Variants in NXPE1 observed in about 807,000 individuals in gnomAD.
NXPE1 encodes the protein neurexophilin and PC-esterase domain family member 1.
NXPE1 carries 31 observed loss-of-function variants against 33.3 expected under a neutral mutation model. That is an observed-to-expected ratio of 0.93 (90% CI 0.70 to 1.26). The LOEUF (loss-of-function observed/expected upper bound fraction) is 1.26. Among genes scored for constraint, NXPE1 ranks in the 50% most tolerant of loss-of-function variants. The probability of loss-of-function intolerance (pLI) is 0.00; values close to 1 mark genes in which losing one functional copy is unlikely to be tolerated. For synonymous variants in NXPE1, 229 were observed against 231.4 expected (o/e 0.99, Z 0.09); for missense variants, 661 against 655.6 (o/e 1.01, Z -0.09).
At chr11:114,544,397 C>T (rs1167561299) in intron 5 of NXPE1, among the ~76,000 whole-genome samples, 1 of 152,098 alleles carries the variant, frequency 6.6e-6, no homozygotes, top group Non-Finnish European at 1.5e-5. Flanking sequence ...ATCAAGGGAA[C>T]ATAATAGAAA....
intron 5 of NXPE1, among the ~76,000 whole-genome samples, chr11:114,534,967 G>A (rs933498214): frequency 6.6e-6 from 1 of 152,066 alleles, no homozygotes; most frequent in African/African-American, 2.4e-5. Context: ...GCAACTCCAC[G>A]ACACATAATT....
rs550620777 is a variant in NXPE1, at chr11:114,533,689, T to C, written c.100-2781A>G. On this transcript the variant is annotated intron_variant, in intron 5 of 8. Coordinates refer to ENST00000534921, the Ensembl canonical transcript of NXPE1. The stretch of plus-strand genomic sequence containing the variant: ...ACGCCCACGGAGCCTTGCTCATTGC[T>C]AGCACAGCAATCTGAGATCAAACTG... Among the ~76,000 whole-genome samples, 17 of 152,308 alleles carry C rather than the reference T, an allele frequency of 1.1e-4. No individual in the cohort carries two copies. The East Asian group carries it at 3.3e-3, about 29-fold the overall frequency.
chr11:114,551,067 A>G, intron 5 of NXPE1, 36 bp downstream of exon 5: 1 of 1,147,732 alleles, frequency 8.7e-7, no homozygotes, highest in African/African-American at 1.5e-5. Flanking sequence ...GTGAGGGCTT[A>G]CTGTGTGATC....
chr11:114,544,943 A>G (rs753471084), intron 5 of NXPE1, among the ~76,000 whole-genome samples: 109 of 152,358 alleles, frequency 7.2e-4, no homozygotes, highest in Non-Finnish European at 1.1e-3. Context: ...GACACGCATT[A>G]CAACTAAATA....
At chr11:114,549,776 G>T (rs61904875) in intron 5 of NXPE1, among the ~76,000 whole-genome samples, 1 of 151,866 alleles carries the variant, frequency 6.6e-6, no homozygotes, top group Non-Finnish European at 1.5e-5. Context: ...AATTGAAAAG[G>T]AAATAAAAAT....
exon 9 of NXPE1, chr11:114,522,402 G>T: frequency 6.2e-7 from 1 of 1,614,022 alleles, no homozygotes; most frequent in East Asian, 2.2e-5. Context: ...GTGACGAAGG[G>T]ATAGCTATGT....
intron 5 of NXPE1, among the ~76,000 whole-genome samples, chr11:114,543,277 A>T (rs185812605): frequency 6.6e-6 from 1 of 151,454 alleles, no homozygotes; most frequent in Admixed American, 6.6e-5. Flanking sequence ...AATTGCTTGA[A>T]CCTGGGAGGC....
rs544745498 is a variant in NXPE1, at chr11:114,535,468, A to G, written c.100-4560T>C. 2.6e-5 allele frequency among the ~76,000 whole-genome samples: 4 copies of G among 152,340 alleles called. No homozygotes were observed. In the East Asian group the frequency reaches 7.7e-4, roughly 29 times the overall value. ...AATGTAAATGCGCTAAATTGCTCCA[A>G]TTAAAAGGCACAGACTGGCAAATTG... On this transcript the variant is annotated intron_variant, in intron 5 of 8. Transcript: ENST00000534921.
exon 9 of NXPE1, chr11:114,522,050 A>G: frequency 6.2e-7 from 1 of 1,613,780 alleles, no homozygotes; most frequent in Non-Finnish European, 8.5e-7. Context: ...GCCATATGCA[A>G]TGGTCATGTC....
chr11:114,549,924 C>CA (rs1425278847), intron 5 of NXPE1, among the ~76,000 whole-genome samples: 1 of 151,324 alleles, frequency 6.6e-6, no homozygotes, highest in Non-Finnish European at 1.5e-5. Context: ...TGTATATAGA[C>CA]AAAAAATAGA....
chr11:114,549,931 TAG>T (rs558686064), intron 5 of NXPE1, among the ~76,000 whole-genome samples: 1 of 151,804 alleles, frequency 6.6e-6, no homozygotes, highest in African/African-American at 2.4e-5. Context: ...AGACAAAAAA[TAG>T]AGAGAAGCTA....
intron 1 of NXPE1, among the ~76,000 whole-genome samples, chr11:114,556,735 T>C (rs1302549348): frequency 6.6e-6 from 1 of 152,078 alleles, no homozygotes; most frequent in African/African-American, 2.4e-5. Context: ...CTATGAGAAA[T>C]ATTAGTCTCA....
At chr11:114,527,596 A>G (rs778137953) in intron 7 of NXPE1, among the ~76,000 whole-genome samples, 1 of 152,198 alleles carries the variant, frequency 6.6e-6, no homozygotes, top group African/African-American at 2.4e-5. Flanking sequence ...CTAGGAGATG[A>G]ACTCTCAGGT....
intron 1 of NXPE1, chr11:114,554,232 C>T (rs1948597417): frequency 2.0e-6 from 2 of 975,642 alleles, no homozygotes; most frequent in Non-Finnish European, 2.4e-6. Context: ...AGATACACAA[C>T]CTTTCCTGGC....
At chr11:114,537,357 T>C (rs894779957) in intron 5 of NXPE1, among the ~76,000 whole-genome samples, 1 of 152,224 alleles carries the variant, frequency 6.6e-6, no homozygotes, top group Non-Finnish European at 1.5e-5. Context: ...AGCATTCCCT[T>C]TGAAAACTGG....
chr11:114,544,830 AG>A (rs939629041), intron 5 of NXPE1, among the ~76,000 whole-genome samples: 8 of 152,174 alleles, frequency 5.3e-5, no homozygotes, highest in Admixed American at 2.6e-4. Context: ...TATCAGGTAA[AG>A]GACTTCATCT....
exon 9 of NXPE1, chr11:114,522,469 G>T (rs765334619): frequency 1.2e-6 from 2 of 1,608,106 alleles, no homozygotes; most frequent in South Asian, 1.1e-5. Flanking sequence ...GTTTCTTAAA[G>T]ATTCCAGTTT....
chr11:114,549,207 T>C (rs1591299638), intron 5 of NXPE1, among the ~76,000 whole-genome samples: 2 of 152,084 alleles, frequency 1.3e-5, no homozygotes, highest in South Asian at 4.2e-4. Context: ...AATCCCAATA[T>C]TACTTAAATA....
At chr11:114,521,748 G>A (rs1347339490) in exon 9 of NXPE1, 4 of 451,090 alleles carry the variant, frequency 8.9e-6, no homozygotes, top group East Asian at 3.3e-5. Flanking sequence ...TATTTTAAAC[G>A]AGCATCAGAA....
Sources: allele counts gnomAD v4.1 joint callset (sites outside exome capture counted in the v4.1 genomes callset), GRCh38; gene constraint gnomAD v4.1.1; transcripts MANE v1.5; gene names NCBI Gene and HGNC (gene_info 2026-07-23, HGNC 2026-07-21).